SNTG1: variants seen among roughly 807,000 people sequenced by gnomAD.
SNTG1 encodes the protein gamma-1-syntrophin.
Under a neutral mutation model 74.7 loss-of-function variants are expected in SNTG1, and 39 were observed. The ratio of observed to expected loss-of-function variants is 0.52; its 90% CI spans 0.40 to 0.68. The LOEUF (loss-of-function observed/expected upper bound fraction) is 0.68. Ranked by LOEUF, SNTG1 falls within the 30% of genes least tolerant of loss-of-function variation. The pLI is 0.00. For missense variants in SNTG1, 685 were observed against 609.5 expected, an observed-to-expected ratio of 1.12 and a Z score of -1.30; for synonymous variants, 254 against 217.1, an observed-to-expected ratio of 1.17 and a Z score of -1.49.
At chr8:50,083,132 G>C (rs1822563914) in intron 1 of SNTG1, among the ~76,000 whole-genome samples, 1 of 152,126 alleles carries the variant, frequency 6.6e-6, no homozygotes, top group Admixed American at 6.5e-5. Context: ...AGCAATCACA[G>C]ACTGTTAGGC....
At chr8:50,376,752 TATATAGAG>T (rs1213397030) in intron 2 of SNTG1, among the ~76,000 whole-genome samples, 132 of 100,794 alleles carry the variant, frequency 1.3e-3, no homozygotes, top group Middle Eastern at 6.0e-3. Flanking sequence ...TATATATATA[TATATAGAG>T]AGAGAGAGAG....
chr8:50,760,148 C>G (rs2095594045), intron 18 of SNTG1, among the ~76,000 whole-genome samples: 1 of 151,980 alleles, frequency 6.6e-6, no homozygotes, highest in Non-Finnish European at 1.5e-5. Context: ...CTCCATTTGT[C>G]TGTCATTGCT....
intron 13 of SNTG1, among the ~76,000 whole-genome samples, chr8:50,628,429 T>C (rs922762645): frequency 2.6e-5 from 4 of 152,192 alleles, no homozygotes; most frequent in African/African-American, 9.6e-5. Context: ...TTCCTGTTAA[T>C]TGTTCTGATC....
chr8:50,102,346 A>G (rs1286510532), intron 1 of SNTG1, among the ~76,000 whole-genome samples: 1 of 152,088 alleles, frequency 6.6e-6, no homozygotes, highest in Non-Finnish European at 1.5e-5. Context: ...TTTTGGCTGC[A>G]CAAATGTCTT....
intron 10 of SNTG1, among the ~76,000 whole-genome samples, chr8:50,533,136 T>C (rs1223407574): frequency 6.6e-6 from 1 of 152,218 alleles, no homozygotes; most frequent in Non-Finnish European, 1.5e-5. Flanking sequence ...CCTTGGCTCT[T>C]AAGCCCCAGC....
Position 50,402,279 on chromosome 8 carries a change from A to G in SNTG1, c.97A>G (p.Lys33Glu). The change falls in exon 4 of 19, where the codon AAA becomes GAA. Residue 33 changes from lysine to glutamate, a missense_variant. Coordinates refer to ENST00000642720, the MANE Select transcript of SNTG1 (RefSeq NM_018967.5). ...TTTCAAAGTGCGGCTGCACCTAGCCAAAGACATTTTGATGATCCAGGAACA... is the reference window on the plus strand; with the variant it reads ...TTTCAAAGTGCGGCTGCACCTAGCCGAAGACATTTTGATGATCCAGGAACA... ...EPFKVRLHLA[K>E]DILMIQEQDV... is the part of the protein sequence containing the mutation. 4 of 1,613,924 alleles carry G rather than the reference A, an allele frequency of 2.5e-6. No homozygotes were observed. Among genetic ancestry groups the G allele is most frequent in the Admixed American group, 3.3e-5 (2 of 59,974 alleles).
intron 17 of SNTG1, among the ~76,000 whole-genome samples, chr8:50,734,702 ATC>A (rs1481518480): frequency 6.9e-6 from 1 of 145,686 alleles, no homozygotes; most frequent in East Asian, 2.0e-4. Flanking sequence ...ACATATATAT[ATC>A]TCTCTATATA....
intron 1 of SNTG1, among the ~76,000 whole-genome samples, chr8:50,167,461 T>C (rs947694649): frequency 6.6e-6 from 1 of 151,760 alleles, no homozygotes; most frequent in African/African-American, 2.4e-5. Context: ...TCAAATCACA[T>C]TGACCTCTCT....
At chr8:50,273,124 T>A (rs2087881161) in intron 2 of SNTG1, among the ~76,000 whole-genome samples, 1 of 152,194 alleles carries the variant, frequency 6.6e-6, no homozygotes, top group Non-Finnish European at 1.5e-5. Flanking sequence ...GAAATTTGAA[T>A]CAACATGGTA....
At chr8:50,183,643 A>C (rs1420533270) in intron 2 of SNTG1, among the ~76,000 whole-genome samples, 1 of 152,136 alleles carries the variant, frequency 6.6e-6, no homozygotes, top group Non-Finnish European at 1.5e-5. Context: ...CATCTGGAAA[A>C]ATCTTAACCA....
Position 50,439,304 on chromosome 8 carries a change from T to C in SNTG1, c.219+705T>C, listed in dbSNP as rs576631862. Among the ~76,000 whole-genome samples the C allele has an allele frequency of 7.9e-5, 12 of 152,250 alleles. No homozygotes were observed. The East Asian group carries it at 2.3e-3, about 29-fold the overall frequency. On this transcript the variant is annotated intron_variant, in intron 5 of 18. Transcript: ENST00000642720. ...CCTTTGTCAAACCTACATCTCTTCA[T>C]AGATAAATGAAGTTTAACTTTATAA...
chr8:50,074,381 C>T (rs1821637536), intron 1 of SNTG1, among the ~76,000 whole-genome samples: 1 of 152,230 alleles, frequency 6.6e-6, no homozygotes, highest in East Asian at 1.9e-4. Context: ...CTGGTTTGAT[C>T]TTCTAACTAT....
At chr8:50,415,469 A>G (rs917441791) in intron 4 of SNTG1, among the ~76,000 whole-genome samples, 9 of 152,160 alleles carry the variant, frequency 5.9e-5, no homozygotes, top group Non-Finnish European at 8.8e-5. Context: ...TATACATGTT[A>G]ACATAATATA....
chr8:49,973,145 A>C (rs920059204), intron 1 of SNTG1, among the ~76,000 whole-genome samples: 1 of 152,240 alleles, frequency 6.6e-6, no homozygotes. Flanking sequence ...CTGGATTAAG[A>C]AAATGTGGCA....
At chr8:50,391,611 T>C (rs1009463238) in intron 2 of SNTG1, among the ~76,000 whole-genome samples, 1 of 152,184 alleles carries the variant, frequency 6.6e-6, no homozygotes, top group Non-Finnish European at 1.5e-5. Context: ...GGATTCCCTC[T>C]TTTTCTATTG....
chr8:50,191,310 A>G (rs2083565100), intron 2 of SNTG1, among the ~76,000 whole-genome samples: 1 of 152,036 alleles, frequency 6.6e-6, no homozygotes. Context: ...TTTTTGGTTC[A>G]TCAGAAGCAG....
intron 13 of SNTG1, among the ~76,000 whole-genome samples, chr8:50,654,487 T>G (rs942192388): frequency 1.3e-5 from 2 of 152,212 alleles, no homozygotes; most frequent in African/African-American, 4.8e-5. Context: ...TATATTCATA[T>G]ACATAGCAAA....
chr8:50,274,982 T>G (rs2088010966), intron 2 of SNTG1, among the ~76,000 whole-genome samples: 1 of 152,216 alleles, frequency 6.6e-6, no homozygotes, highest in African/African-American at 2.4e-5. Flanking sequence ...TGCCAATATT[T>G]TTGAAGACTT....
At chr8:50,307,571 CTG>C (rs2089953603) in intron 2 of SNTG1, among the ~76,000 whole-genome samples, 1 of 151,478 alleles carries the variant, frequency 6.6e-6, no homozygotes, top group South Asian at 2.1e-4. Flanking sequence ...AAAAATATTC[CTG>C]TGTTTTATTA....
Sources: gnomAD v4.1 joint callset for allele counts (sites outside exome capture counted in the v4.1 genomes callset) on GRCh38, gnomAD v4.1.1 for gene constraint, MANE v1.5 for transcripts, NCBI Gene and HGNC (gene_info 2026-07-23, HGNC 2026-07-21) for gene names.